AARS2: variants seen among roughly 807,000 people sequenced by gnomAD.
The protein encoded by AARS2 is alanine--tRNA ligase, mitochondrial.
AARS2 carries 78 observed loss-of-function variants against 119.7 expected under a neutral mutation model. The observed-to-expected ratio is 0.65, with a 90% CI of 0.54 to 0.79. The LOEUF (loss-of-function observed/expected upper bound fraction) is 0.79, where lower values mean the gene tolerates loss of function less well. AARS2 is among the 30% of genes least tolerant of loss of function. AARS2 has a pLI of 0.00. For missense variants in AARS2, 1,157 were observed against 1,291.3 expected, an observed-to-expected ratio of 0.90 and a Z score of 1.59; for synonymous variants, 502 against 526.3, an observed-to-expected ratio of 0.95 and a Z score of 0.63.
In AARS2 at chr6:44,305,196, G is replaced by A. The variant is rs1381734091; in HGVS notation, c.1437C>T (p.His479=). ...LERLAQEEAQ[H]RARQAEPVQK... is the part of the protein sequence containing the mutation. ...GAACTGGCTCAGCCTGCCGTGCCCG[G>A]TGCTGCAGGGTGGGCATGGGCATGG... The change falls in exon 11 of 22, where the codon CAC becomes CAT. Residue 479 remains histidine (H), a splice_region_variant and synonymous_variant. Coordinates refer to ENST00000244571, the MANE Select transcript of AARS2 (RefSeq NM_020745.4). This position sits in a 1 kb window ranked among gnomAD's most constrained non-coding sequence, Gnocchi z 4.6. The A allele has an allele frequency of 6.2e-7, 1 of 1,611,468 alleles. No individual in the cohort carries two copies. Among genetic ancestry groups the A allele is most frequent in the African/African-American group, 1.3e-5 (1 of 74,910 alleles).
chr6:44,306,580 A>C (rs1390036099), intron 7 of AARS2, 48 bp from the exon 8 acceptor site: 1 of 1,608,668 alleles, frequency 6.2e-7, no homozygotes, highest in Admixed American at 1.7e-5. Flanking sequence ...CAACCAACCC[A>C]CCCCCACCTC....
At position 44,304,443 on chromosome 6, in the gene AARS2, G is replaced by A. The variant is rs776690924; in HGVS notation, c.1843C>T (p.Gln615Ter). ...VAPECLRLGD[Q>*]VQLHVDEAWR... ...ACCTCATCCACATGCAGCTGCACCT[G>A]GTCCCCTAACCGCAGGCACTCAGGG... The change falls in exon 13 of 22, where the codon CAG becomes TAG. Residue 615 changes from glutamine (Q) to a stop codon, truncating the protein, a stop_gained. Coordinates refer to ENST00000244571, the MANE Select transcript of AARS2 (RefSeq NM_020745.4). LOFTEE classifies it high-confidence loss of function. 1 of 1,614,168 alleles carries A rather than the reference G, an allele frequency of 6.2e-7. No homozygotes were observed. Among genetic ancestry groups the A allele is most frequent in the Admixed American group, 1.7e-5 (1 of 60,036 alleles).
chr6:44,306,741 C>G (rs1785888856), intron 7 of AARS2, among the ~76,000 whole-genome samples, 182 bp downstream of exon 7: 1 of 152,128 alleles, frequency 6.6e-6, no homozygotes. Flanking sequence ...AAAGGAGCCT[C>G]CTCAAGTTCT....
chr6:44,301,276 G>T lies in AARS2; in HGVS notation c.2683-10C>A. 6.2e-7 allele frequency: 1 copy of T among 1,613,852 alleles called. No individual in the cohort carries two copies. The highest frequency in any genetic ancestry group is 1.1e-5 in the South Asian group (1 of 91,060). On this transcript the variant is annotated splice_polypyrimidine_tract_variant and intron_variant, in intron 20 of 21. Transcript: ENST00000244571. ...CCACCTTCACCAGCACCTGGACCAC[G>T]AAAGACAGATGGTGAGCCCATCGCT...
rs757439736 is a variant in AARS2 at position 44,304,634 on chromosome 6, T to A, written c.1752+11A>T. The A allele has an allele frequency of 6.2e-7, 1 of 1,614,176 alleles. No individual in the cohort carries two copies. The highest frequency in any genetic ancestry group is 2.2e-5 in the East Asian group (1 of 44,878). ...CCACAGAAATCAGCCTGGGTTGTGA[T>A]GGAGACTCACCTCTTGCCCTGCCCG... is the stretch of plus-strand genomic sequence containing the variant. On this transcript the variant is annotated intron_variant, in intron 12 of 21. Transcript: ENST00000244571.
chr6:44,308,912 T>C (rs1212033902), intron 5 of AARS2, among the ~76,000 whole-genome samples: 1 of 152,192 alleles, frequency 6.6e-6, no homozygotes, highest in Admixed American at 6.5e-5. Flanking sequence ...CTGAGAACTC[T>C]TCTCACCACT....
In AARS2 at chr6:44,304,172, C is replaced by T. The variant is rs754672528; in HGVS notation, c.2007+9G>A. The T allele has an allele frequency of 3.0e-5, 48 of 1,612,894 alleles. No individual in the cohort carries two copies. Among genetic ancestry groups the T allele is most frequent in the Admixed American group, 1.3e-4 (8 of 60,008 alleles). On this transcript the variant is annotated intron_variant, in intron 14 of 21. Coordinates refer to ENST00000244571, the MANE Select transcript of AARS2 (RefSeq NM_020745.4). ...TCACATGAAGCCTGTCTTTCTATGC[C>T]GGGCTCACCTGGGTGGTCACATCCA... is the stretch of plus-strand genomic sequence containing the variant.
rs111524510 is a variant in AARS2, at chr6:44,306,634, A to T, written c.1150-102T>A. The T allele has an allele frequency of 3.2e-3, 4,407 of 1,384,020 alleles. 107 individuals are homozygous for T. In the African/African-American group the frequency reaches 0.055, roughly 17 times the overall value. The allele number at this position is 1,384,020 out of a possible 1,614,324, so 85.7% of individuals were successfully genotyped here. The stretch of plus-strand genomic sequence containing the variant: ...GAGGACACCTGCCCTGGAGGCTCAG[A>T]CACATTGAGGGGCTGGGAGAGGGAC... On this transcript the variant is annotated intron_variant, in intron 7 of 21. Transcript: ENST00000244571.
Position 44,305,646 on chromosome 6 carries a change from C to T in AARS2, c.1434+7G>A, listed in dbSNP as rs953512104. 49 of 1,613,794 alleles carry T rather than the reference C, an allele frequency of 3.0e-5. No homozygotes were observed. In the East Asian group the frequency reaches 3.3e-4, roughly 11 times the overall value. ...CAGAACCCAGCATGGGGTGCCACAG[C>T]TTGTACCTGGGCCTCCTCTTGGGCC... On this transcript the variant is annotated splice_region_variant and intron_variant, in intron 10 of 21. Transcript: ENST00000244571. This position sits in a 1 kb window ranked among gnomAD's most constrained non-coding sequence, Gnocchi z 4.6.
At position 44,301,550 on chromosome 6, in the gene AARS2, A is replaced by G. The variant is rs1785359560; in HGVS notation, c.2599-86T>C. ...CAACTTCTGAACTAAGCCCCAGCTG[A>G]GCAATCCCCTGCTTCCCCCACCCAC... On this transcript the variant is annotated intron_variant, in intron 19 of 21. Coordinates refer to ENST00000244571, the MANE Select transcript of AARS2 (RefSeq NM_020745.4). 3 of 1,292,524 alleles carry G rather than the reference A, an allele frequency of 2.3e-6. No homozygotes were observed. The South Asian group carries it at 3.6e-5, about 15-fold the overall frequency. 80.1% of individuals were successfully genotyped at this position (1,292,524 alleles called of 1,614,324 possible).
chr6:44,311,346 C>G, intron 3 of AARS2, 44 bp downstream of exon 3: 1 of 1,613,820 alleles, frequency 6.2e-7, no homozygotes, highest in Non-Finnish European at 8.5e-7. Context: ...ACTTTCCAGT[C>G]CTCCTGACCT....
Position 44,313,249 on chromosome 6 carries a change from G to T in AARS2, c.75C>A (p.Leu25=). The T allele has an allele frequency of 6.3e-7, 1 of 1,579,424 alleles. No homozygotes were observed. Among genetic ancestry groups the T allele is most frequent in the Non-Finnish European group, 8.6e-7 (1 of 1,168,498 alleles). ...AIRRSPAWRG[L]SHRPLSSEPP... is the part of the protein sequence containing the mutation. ...GCTCCGATGAGAGCGGCCGATGGCT[G>T]AGGCCCCGCCATGCGGGCGACCTTC... Residue 25 remains leucine (L), a synonymous_variant, in exon 1 of 22, where the codon CTC becomes CTA. Transcript: ENST00000244571.
At chr6:44,304,027 C>T (rs769917407) in intron 14 of AARS2, among the ~76,000 whole-genome samples, 154 bp downstream of exon 14, 1 of 152,194 alleles carries the variant, frequency 6.6e-6, no homozygotes, top group Admixed American at 6.5e-5. Flanking sequence ...CACAAGGAGC[C>T]CAAGGGGAAA....
In AARS2 at chr6:44,310,290, G is replaced by A. The variant is rs1161349844; in HGVS notation, c.894+9C>T. Reference sequence around the variant, plus strand: ...GTTAGAGGGCTTCTGGAAGGGAAGAGGCACTCACCTGCTGTATGGCGTTGA... The same window carrying A: ...GTTAGAGGGCTTCTGGAAGGGAAGAAGCACTCACCTGCTGTATGGCGTTGA... On this transcript the variant is annotated intron_variant, in intron 5 of 21. Transcript: ENST00000244571. 6.3e-7 allele frequency: 1 copy of A among 1,587,194 alleles called. No individual in the cohort carries two copies. The highest frequency in any genetic ancestry group is 8.6e-7 in the Non-Finnish European group (1 of 1,166,094).
Position 44,306,514 on chromosome 6 carries a change from G to A in AARS2, c.1168C>T (p.Leu390=). The A allele has an allele frequency of 6.2e-7, 1 of 1,614,172 alleles. No homozygotes were observed. Among genetic ancestry groups the A allele is most frequent in the Non-Finnish European group, 8.5e-7 (1 of 1,180,030 alleles). Residue 390 remains leucine (L), a synonymous_variant, in exon 8 of 22, where the codon CTG becomes TTG. Coordinates refer to ENST00000244571, the MANE Select transcript of AARS2 (RefSeq NM_020745.4). ...AGTACCTGGGCTGAGTTCCTTTGCA[G>A]TTCTGGATAAGCATCTCCCTGGGGG... ...VETLGDAYPE[L]QRNSAQIANL... is the part of the protein sequence containing the mutation.
chr6:44,304,613 A>G (rs373214878), intron 12 of AARS2, 32 bp downstream of exon 12: 1 of 1,614,090 alleles, frequency 6.2e-7, no homozygotes, highest in Non-Finnish European at 8.5e-7. Flanking sequence ...TGCCGCCCAC[A>G]GAAATCAGCC....
intron 5 of AARS2, 135 bp downstream of exon 5, chr6:44,310,164 C>A: frequency 8.2e-7 from 1 of 1,223,760 alleles, no homozygotes; most frequent in Admixed American, 2.0e-5. Flanking sequence ...TCTTGCTTGA[C>A]GTCTTGGAAT....
In AARS2 at chr6:44,304,692, C is replaced by G. The variant is rs1400526408; in HGVS notation, c.1705G>C (p.Gly569Arg). Residue 569 changes from glycine (G) to arginine (R), a missense_variant, in exon 12 of 22, where the codon GGG becomes CGG. Coordinates refer to ENST00000244571, the MANE Select transcript of AARS2 (RefSeq NM_020745.4). ...TAGCCACGGTCTGAAGCCTGGCCCC[C>G]CTGTTCTGCGTAGAAGTTGGTCCTG... is the stretch of plus-strand genomic sequence containing the variant. ...LDRTNFYAEQ[G>R]GQASDRGYLV... 7 of 1,614,126 alleles carry G rather than the reference C, an allele frequency of 4.3e-6. No homozygotes were observed. Among genetic ancestry groups the G allele is most frequent in the African/African-American group, 2.7e-5 (2 of 74,940 alleles).
intron 5 of AARS2, among the ~76,000 whole-genome samples, chr6:44,309,133 C>T (rs1786130365): frequency 6.6e-6 from 1 of 152,214 alleles, no homozygotes; most frequent in African/African-American, 2.4e-5. Context: ...CCATAGAATA[C>T]AGTGGAAACA....
Sources: gnomAD v4.1 joint callset for allele counts (sites outside exome capture counted in the v4.1 genomes callset) on GRCh38, gnomAD v4.1.1 for gene constraint, Gnocchi (gnomAD v3.1) non-coding constraint, MANE v1.5 for transcripts, NCBI Gene and HGNC (gene_info 2026-07-23, HGNC 2026-07-21) for gene names.